Variants in FGD6 observed in about 807,000 individuals in gnomAD.
FGD6 encodes the protein FYVE, RhoGEF and PH domain containing 6, also known as FYVE, RhoGEF and PH domain-containing protein 6.
Under a neutral mutation model 149.4 loss-of-function variants are expected in FGD6, and 90 were observed. The ratio of observed to expected loss-of-function variants is 0.60; its 90% CI spans 0.51 to 0.72. The LOEUF (loss-of-function observed/expected upper bound fraction) is 0.72. Among genes scored for constraint, FGD6 ranks in the 30% least tolerant of loss-of-function variants. FGD6 has a pLI of 0.00. For synonymous variants in FGD6, 527 were observed against 584.0 expected, an observed-to-expected ratio of 0.90 and a Z score of 1.41; for missense variants, 1,437 against 1,684.8, an observed-to-expected ratio of 0.85 and a Z score of 2.57.
intron 5 of FGD6, among the ~76,000 whole-genome samples, chr12:95,148,674 T>C (rs71438987): frequency 0.49 from 27,652 of 55,928 alleles, 6,750 homozygotes; most frequent in Middle Eastern, 0.68. Flanking sequence ...ATACATAGCA[T>C]ATGTTATATT....
chr12:95,087,307 G>A (rs1877913198), intron 18 of FGD6, among the ~76,000 whole-genome samples: 1 of 152,144 alleles, frequency 6.6e-6, no homozygotes, highest in Admixed American at 6.5e-5. Flanking sequence ...CCCTGAGTGT[G>A]GACAGGACCT....
chr12:95,119,357 A>G (rs1879118501), intron 8 of FGD6, among the ~76,000 whole-genome samples: 2 of 152,234 alleles, frequency 1.3e-5, no homozygotes, highest in South Asian at 4.1e-4. Context: ...AACTTAAACT[A>G]TGAACATCTC....
At chr12:95,207,192 A>C (rs924443380) in intron 2 of FGD6, among the ~76,000 whole-genome samples, 1 of 152,116 alleles carries the variant, frequency 6.6e-6, no homozygotes, top group South Asian at 2.1e-4. Context: ...TGATGGTTCT[A>C]TAATGGGCTT....
At chr12:95,214,865 T>TC (rs2056746144) in intron 1 of FGD6, among the ~76,000 whole-genome samples, 1 of 148,254 alleles carries the variant, frequency 6.7e-6, no homozygotes, top group Non-Finnish European at 1.5e-5. Context: ...TTTTTTCTTT[T>TC]TTTTTTTTTT....
intron 2 of FGD6, among the ~76,000 whole-genome samples, chr12:95,193,551 C>T (rs578032728): frequency 6.2e-4 from 87 of 140,076 alleles, no homozygotes; most frequent in African/African-American, 2.3e-3. Flanking sequence ...TTTTTTGAGA[C>T]GGTGTCTCAC....
At chr12:95,197,036 A>T (rs1881751758) in intron 2 of FGD6, among the ~76,000 whole-genome samples, 1 of 152,186 alleles carries the variant, frequency 6.6e-6, no homozygotes, top group African/African-American at 2.4e-5. Context: ...AGTGACTATA[A>T]CCTGTGTTCC....
At chr12:95,121,051 G>A (rs990867091) in intron 8 of FGD6, among the ~76,000 whole-genome samples, 1 of 151,968 alleles carries the variant, frequency 6.6e-6, no homozygotes, top group African/African-American at 2.4e-5. Flanking sequence ...TACTTTGACT[G>A]TATTTTAAAC....
At chr12:95,110,070 G>A (rs950199632) in intron 9 of FGD6, among the ~76,000 whole-genome samples, 1 of 151,722 alleles carries the variant, frequency 6.6e-6, no homozygotes, top group Non-Finnish European at 1.5e-5. Context: ...TCCACCTCCC[G>A]GGTTCACACC....
chr12:95,196,844 T>G (rs1002487071), intron 2 of FGD6, among the ~76,000 whole-genome samples: 10 of 151,632 alleles, frequency 6.6e-5, no homozygotes, highest in African/African-American at 2.4e-4. Flanking sequence ...CTCACTATAT[T>G]GCCCAGGCTG....
In FGD6 at chr12:95,137,633, T is replaced by G; in HGVS notation, c.2883A>C (p.Pro961=). The G allele has an allele frequency of 6.2e-7, 1 of 1,611,608 alleles. No individual in the cohort carries two copies. The highest frequency in any genetic ancestry group is 8.5e-7 in the Non-Finnish European group (1 of 1,179,062). Residue 961 remains proline, a synonymous_variant, in exon 7 of 21, where the codon CCA becomes CCC. Coordinates refer to ENST00000343958, the MANE Select transcript of FGD6 (RefSeq NM_018351.4). ...RIADIFVKKG[P]YLKMYSTYIK... is the part of the protein sequence containing the mutation. ...TGTATGTGGAATACATTTTTAGATA[T>G]GGTCCCTTCTTTACAAAGATATCAG...
intron 8 of FGD6, among the ~76,000 whole-genome samples, chr12:95,114,262 G>C (rs1020307394): frequency 2.6e-5 from 4 of 152,038 alleles, no homozygotes; most frequent in Non-Finnish European, 5.9e-5. Context: ...GACAGTTGTG[G>C]TTGTCATAAC....
rs533391594 is a variant in FGD6, at chr12:95,086,951, A to G, written c.3979-1043T>C. On this transcript the variant is annotated intron_variant, in intron 18 of 20. Transcript: ENST00000343958. ...CAACCTCTGCCTCTTGGGTCCAAGC[A>G]CTTCTCGTGCCCCAGCCTCCCGAGT... Among the ~76,000 whole-genome samples, 138 of 134,440 alleles carry G rather than the reference A, an allele frequency of 1.0e-3. 1 individual carries two copies. The highest frequency in any genetic ancestry group is 3.6e-3 in the African/African-American group (128 of 35,270). 88.2% of individuals were successfully genotyped at this position (134,440 alleles called of 152,430 possible). A position where few individuals can be genotyped will look rare whatever the true frequency, so the allele number is the denominator to read the frequency against.
intron 8 of FGD6, among the ~76,000 whole-genome samples, chr12:95,130,211 T>C (rs1409267090): frequency 6.6e-6 from 1 of 152,124 alleles, no homozygotes; most frequent in African/African-American, 2.4e-5. Context: ...TGAACAGCAG[T>C]GACAGACTGC....
At chr12:95,096,081 A>C (rs1279795129) in intron 14 of FGD6, among the ~76,000 whole-genome samples, 2 of 152,046 alleles carry the variant, frequency 1.3e-5, no homozygotes, top group African/African-American at 4.8e-5. Flanking sequence ...GAAAATTATG[A>C]AACAGGAAAA....
At chr12:95,142,618 G>A (rs945775458) in intron 5 of FGD6, among the ~76,000 whole-genome samples, 6 of 152,204 alleles carry the variant, frequency 3.9e-5, no homozygotes, top group African/African-American at 1.4e-4. Flanking sequence ...CCAAGCCTTT[G>A]CTCCTTATTT....
At chr12:95,154,746 A>G (rs545791063) in intron 3 of FGD6, among the ~76,000 whole-genome samples, 41 of 152,268 alleles carry the variant, frequency 2.7e-4, no homozygotes, top group Middle Eastern at 3.4e-3. Context: ...ATGACATGAT[A>G]AACATTAAAA....
chr12:95,146,901 T>C (rs1362042838), intron 5 of FGD6, among the ~76,000 whole-genome samples: 2 of 152,092 alleles, frequency 1.3e-5, no homozygotes, highest in Admixed American at 6.6e-5. Context: ...TAAAATCAAG[T>C]ATGAGCATCT....
At chr12:95,125,946 A>G in intron 8 of FGD6, 1 of 1,450,870 alleles carries the variant, frequency 6.9e-7, no homozygotes, top group Non-Finnish European at 9.7e-7. Flanking sequence ...TTTCATCCTC[A>G]AGTTTCCATA....
At chr12:95,083,359 T>C (rs1321130607) in intron 20 of FGD6, among the ~76,000 whole-genome samples, 1 of 152,026 alleles carries the variant, frequency 6.6e-6, no homozygotes, top group African/African-American at 2.4e-5. Flanking sequence ...CCTAACTACA[T>C]GTAATTCTGT....
Sources: allele counts gnomAD v4.1 joint callset (sites outside exome capture counted in the v4.1 genomes callset), GRCh38; gene constraint gnomAD v4.1.1; transcripts MANE v1.5; gene names NCBI Gene and HGNC (gene_info 2026-07-23, HGNC 2026-07-21).